The following ARHGAP24 variants were observed in gnomAD, a reference collection of about 807,000 sequenced individuals.
The protein encoded by ARHGAP24 is rho GTPase-activating protein 24.
Under a neutral mutation model 76.4 loss-of-function variants are expected in ARHGAP24, and 50 were observed. That is an observed-to-expected ratio of 0.65 (90% CI 0.52 to 0.83). The LOEUF (loss-of-function observed/expected upper bound fraction) is 0.83. Ranked by LOEUF, ARHGAP24 falls within the 40% of genes least tolerant of loss-of-function variation. The pLI is 0.00. For missense variants in ARHGAP24, 930 were observed against 914.2 expected, an observed-to-expected ratio of 1.02 and a Z score of -0.22; for synonymous variants, 345 against 323.3, an observed-to-expected ratio of 1.07 and a Z score of -0.72.
intron 1 of ARHGAP24, among the ~76,000 whole-genome samples, chr4:85,483,067 G>T (rs1344667835): frequency 6.6e-6 from 1 of 152,134 alleles, no homozygotes; most frequent in Non-Finnish European, 1.5e-5. Context: ...CTACTTCATA[G>T]TGTTAATGTG....
intron 2 of ARHGAP24, among the ~76,000 whole-genome samples, chr4:85,719,754 C>G (rs1724859118): frequency 6.6e-6 from 1 of 152,140 alleles, no homozygotes; most frequent in East Asian, 1.9e-4. Flanking sequence ...TATTATTTTT[C>G]CCTTACAGTT....
chr4:85,931,662 A>G (rs1239993512), intron 4 of ARHGAP24, among the ~76,000 whole-genome samples: 1 of 152,198 alleles, frequency 6.6e-6, no homozygotes, highest in East Asian at 1.9e-4. Flanking sequence ...AACATAGAAC[A>G]ACTTATGATC....
intron 2 of ARHGAP24, among the ~76,000 whole-genome samples, chr4:85,619,496 TA>T (rs1205256952): frequency 7.0e-4 from 102 of 145,454 alleles, no homozygotes; most frequent in East Asian, 1.8e-3. Context: ...TCTATTTCTG[TA>T]AAAAAAAAAA....
intron 2 of ARHGAP24, among the ~76,000 whole-genome samples, chr4:85,604,576 C>T (rs141948880): frequency 7.1e-4 from 108 of 152,066 alleles, no homozygotes; most frequent in African/African-American, 2.3e-3. Context: ...ATAGATGTAT[C>T]GTCTCACTTT....
intron 3 of ARHGAP24, among the ~76,000 whole-genome samples, chr4:85,759,438 C>T (rs1472548041): frequency 6.6e-6 from 1 of 152,212 alleles, no homozygotes; most frequent in East Asian, 1.9e-4. Flanking sequence ...AATAATTAGT[C>T]AATACCACCT....
intron 3 of ARHGAP24, among the ~76,000 whole-genome samples, chr4:85,836,497 A>G (rs60565316): frequency 0.092 from 14,061 of 152,170 alleles, 779 homozygotes; most frequent in South Asian, 0.19. Context: ...GTTTCTCAAC[A>G]TCACCTTCCC....
chr4:85,582,165 A>G (rs1474253038), intron 2 of ARHGAP24, among the ~76,000 whole-genome samples: 1 of 152,186 alleles, frequency 6.6e-6, no homozygotes, highest in African/African-American at 2.4e-5. Flanking sequence ...TCTTTAGAGT[A>G]TCCTATGGGA....
chr4:85,483,802 GTGT>G (rs1722912811), intron 1 of ARHGAP24, among the ~76,000 whole-genome samples: 1 of 152,056 alleles, frequency 6.6e-6, no homozygotes, highest in African/African-American at 2.4e-5. Context: ...CAATTCTCAA[GTGT>G]GGTACCAGGA....
chr4:85,618,261 A>G (rs1249227589), intron 2 of ARHGAP24, among the ~76,000 whole-genome samples: 7 of 152,092 alleles, frequency 4.6e-5, no homozygotes, highest in South Asian at 2.1e-4. Context: ...TACTGTTCCT[A>G]GAGTATCTCA....
At chr4:85,598,835 A>G (rs769603265) in intron 2 of ARHGAP24, among the ~76,000 whole-genome samples, 4 of 151,392 alleles carry the variant, frequency 2.6e-5, no homozygotes, top group Non-Finnish European at 5.9e-5. Context: ...ATAGAAGTAC[A>G]GTGCAGGTCA....
At chr4:85,745,372 G>A (rs1490220870) in intron 3 of ARHGAP24, among the ~76,000 whole-genome samples, 1 of 145,732 alleles carries the variant, frequency 6.9e-6, no homozygotes, top group Non-Finnish European at 1.5e-5. Flanking sequence ...GTATTATATT[G>A]TATACATACA....
intron 1 of ARHGAP24, among the ~76,000 whole-genome samples, chr4:85,509,103 C>T (rs1272086488): frequency 6.7e-6 from 1 of 149,274 alleles, no homozygotes; most frequent in Non-Finnish European, 1.5e-5. Context: ...GAACAAAAAA[C>T]CAAATACCAC....
At chr4:85,823,501 C>T (rs1049122105) in intron 3 of ARHGAP24, among the ~76,000 whole-genome samples, 2 of 152,134 alleles carry the variant, frequency 1.3e-5, no homozygotes, top group African/African-American at 4.8e-5. Context: ...ACCAATGTTC[C>T]CATGTGTCCC....
At chr4:85,476,005 A>G (rs1722583258) in intron 1 of ARHGAP24, among the ~76,000 whole-genome samples, 2 of 149,786 alleles carry the variant, frequency 1.3e-5, no homozygotes, top group East Asian at 3.9e-4. Context: ...ATAAGCATAT[A>G]TATTTGCAAA....
At chr4:85,704,624 GTTCT>G (rs1560593756) in intron 2 of ARHGAP24, among the ~76,000 whole-genome samples, 1 of 152,084 alleles carries the variant, frequency 6.6e-6, no homozygotes, top group African/African-American at 2.4e-5. Context: ...ATGATACTCA[GTTCT>G]TTGTCTTCAT....
intron 1 of ARHGAP24, among the ~76,000 whole-genome samples, chr4:85,509,976 C>CA (rs2110104805): frequency 6.6e-6 from 1 of 152,244 alleles, no homozygotes; most frequent in East Asian, 1.9e-4. Context: ...GATGCGCCTC[C>CA]ATATGGATGC....
At chr4:85,875,708 A>C (rs1444097692) in intron 3 of ARHGAP24, among the ~76,000 whole-genome samples, 1 of 135,478 alleles carries the variant, frequency 7.4e-6, no homozygotes, top group Non-Finnish European at 1.5e-5. Flanking sequence ...TTTATATATA[A>C]TTTATATATA....
rs571321951 is a variant in ARHGAP24, at chr4:85,789,856, G to T, written c.268+67884G>T. On this transcript the variant is annotated intron_variant, in intron 3 of 9. Transcript: ENST00000395184. ...TACTCAACCATCAGTATGATATTTT[G>T]TCTTCTAAGACTATTGGATTTTTGT... 2.6e-5 allele frequency among the ~76,000 whole-genome samples: 4 copies of T among 152,220 alleles called. 1 individual carries two copies. Among genetic ancestry groups the T allele is most frequent in the African/African-American group, 9.6e-5 (4 of 41,524 alleles).
intron 2 of ARHGAP24, among the ~76,000 whole-genome samples, chr4:85,572,939 C>A (rs72979934): frequency 6.6e-4 from 94 of 141,656 alleles, no homozygotes; most frequent in African/African-American, 2.3e-3. Context: ...TGCGGTGGTG[C>A]GATCTCGGCT....
Sources: allele counts gnomAD v4.1 joint callset (sites outside exome capture counted in the v4.1 genomes callset), GRCh38; gene constraint gnomAD v4.1.1; transcripts MANE v1.5; gene names NCBI Gene and HGNC (gene_info 2026-07-23, HGNC 2026-07-21).